KIF26B: variants seen among roughly 807,000 people sequenced by gnomAD.
KIF26B encodes the protein kinesin family member 26B.
A neutral mutation model predicts 151.2 loss-of-function variants in KIF26B; 63 were observed. The ratio of observed to expected loss-of-function variants is 0.42; its 90% CI spans 0.34 to 0.51. The LOEUF (loss-of-function observed/expected upper bound fraction) is 0.51, where lower values mean the gene tolerates loss of function less well. Among genes scored for constraint, KIF26B ranks in the 20% least tolerant of loss-of-function variants. The pLI is 0.07. For synonymous variants in KIF26B, 1,357 were observed against 1,262.1 expected (o/e 1.08, Z -1.59); for missense variants, 2,813 against 2,913.6 (o/e 0.97, Z 0.79).
intron 3 of KIF26B, among the ~76,000 whole-genome samples, chr1:245,369,197 GACAGAC>G (rs1190613557): frequency 6.9e-6 from 1 of 143,948 alleles, no homozygotes; most frequent in African/African-American, 2.8e-5. Flanking sequence ...GAGAGAGAGA[GACAGAC>G]AGACAGACAG....
At chr1:245,576,690 G>A (rs185207879) in intron 5 of KIF26B, among the ~76,000 whole-genome samples, 2 of 152,300 alleles carry the variant, frequency 1.3e-5, no homozygotes, top group African/African-American at 4.8e-5. Context: ...TTGGGAAAGG[G>A]GGTTCTTTAT....
intron 4 of KIF26B, among the ~76,000 whole-genome samples, chr1:245,439,072 G>C (rs752766259): frequency 6.6e-6 from 1 of 152,178 alleles, no homozygotes; most frequent in Admixed American, 6.5e-5. Context: ...TGATGGCCAG[G>C]CATGGTGGCT....
intron 10 of KIF26B, among the ~76,000 whole-genome samples, chr1:245,649,252 G>A (rs1174600854): frequency 6.6e-6 from 1 of 152,172 alleles, no homozygotes; most frequent in African/African-American, 2.4e-5. Flanking sequence ...CTCTTTTGAG[G>A]TACAGGAAGA....
At chr1:245,669,068 C>A (rs10924295) in intron 10 of KIF26B, among the ~76,000 whole-genome samples, 98,954 of 152,108 alleles carry the variant, frequency 0.65, 33,389 homozygotes, top group African/African-American at 0.82. Context: ...CTTCCTTATC[C>A]TAGGTTATGC....
At chr1:245,648,592 G>A (rs12045221) in intron 10 of KIF26B, among the ~76,000 whole-genome samples, 57,293 of 151,056 alleles carry the variant, frequency 0.38, 11,143 homozygotes, top group African/African-American at 0.44. Context: ...TTGAGATTGC[G>A]CTACTGCACC....
intron 9 of KIF26B, among the ~76,000 whole-genome samples, chr1:245,620,857 A>G (rs2043651411): frequency 6.6e-6 from 1 of 152,218 alleles, no homozygotes; most frequent in Admixed American, 6.5e-5. Context: ...AGGAGGAAAC[A>G]CAGCTGACCT....
intron 2 of KIF26B, among the ~76,000 whole-genome samples, chr1:245,260,646 G>T (rs1281735016): frequency 6.6e-6 from 1 of 152,172 alleles, no homozygotes; most frequent in Non-Finnish European, 1.5e-5. Context: ...TCCTTTGACT[G>T]GCAGGAAGAG....
intron 2 of KIF26B, among the ~76,000 whole-genome samples, chr1:245,345,139 G>A (rs1413490435): frequency 6.6e-6 from 1 of 152,150 alleles, no homozygotes; most frequent in African/African-American, 2.4e-5. Flanking sequence ...TGAATGTCAT[G>A]TTTGGGCCAT....
At chr1:245,172,986 T>C (rs1668740555) in intron 2 of KIF26B, among the ~76,000 whole-genome samples, 1 of 152,188 alleles carries the variant, frequency 6.6e-6, no homozygotes, top group Non-Finnish European at 1.5e-5. Flanking sequence ...ATAGCTAAAA[T>C]GTAGAAGCTA....
chr1:245,395,227 A>G (rs529813983), intron 3 of KIF26B, among the ~76,000 whole-genome samples: 14 of 152,300 alleles, frequency 9.2e-5, no homozygotes, highest in Non-Finnish European at 1.0e-4. Context: ...TAAACTCACT[A>G]TTGGAGTGTT....
intron 9 of KIF26B, among the ~76,000 whole-genome samples, chr1:245,622,607 A>T (rs1209266811): frequency 6.6e-6 from 1 of 152,164 alleles, no homozygotes; most frequent in African/African-American, 2.4e-5. Flanking sequence ...ATCTTGCCCC[A>T]AATTACTTGG....
intron 2 of KIF26B, among the ~76,000 whole-genome samples, chr1:245,169,997 TG>T (rs1216912783): frequency 6.6e-6 from 1 of 152,206 alleles, no homozygotes; most frequent in Non-Finnish European, 1.5e-5. Flanking sequence ...TTGTTCACTT[TG>T]TTTTTTGTTT....
rs1481539017 is a variant in KIF26B at position 245,209,399 on chromosome 1, TAAAAAAAATAAAACAAG to T, written c.465+52730_465+52746del. ...CTGGCTGACAGAGTGAGACTACATC[TAAAAAAAATAAAACAAG>T]AAAAAAAATAAAAAAAGAAAACATT... On this transcript the variant is annotated intron_variant, in intron 2 of 14. Transcript: ENST00000407071. Among the ~76,000 whole-genome samples, 22 of 146,960 alleles carry T rather than the reference TAAAAAAAATAAAACAAG, an allele frequency of 1.5e-4. 1 individual carries two copies. Among genetic ancestry groups the T allele is most frequent in the East Asian group, 3.9e-4 (2 of 5,064 alleles).
At chr1:245,242,605 A>C (rs1670227759) in intron 2 of KIF26B, among the ~76,000 whole-genome samples, 1 of 152,156 alleles carries the variant, frequency 6.6e-6, no homozygotes, top group Non-Finnish European at 1.5e-5. Flanking sequence ...CATGTATAGT[A>C]TTAGCAGCTG....
intron 3 of KIF26B, among the ~76,000 whole-genome samples, chr1:245,376,923 GGT>G (rs1170177911): frequency 1.3e-5 from 2 of 151,886 alleles, no homozygotes; most frequent in Non-Finnish European, 2.9e-5. Flanking sequence ...CCTGACCTCA[GGT>G]GATCTGCCTG....
At chr1:245,574,864 CTTTTTTTTT>C (rs201010492) in intron 5 of KIF26B, among the ~76,000 whole-genome samples, 3 of 126,252 alleles carry the variant, frequency 2.4e-5, no homozygotes, top group African/African-American at 6.2e-5. Context: ...TTTTTTTTTT[CTTTTTTTTT>C]TTTTTTTTGA....
intron 10 of KIF26B, among the ~76,000 whole-genome samples, chr1:245,665,943 C>T (rs2044208713): frequency 6.6e-6 from 1 of 151,540 alleles, no homozygotes. Context: ...CGGTCAGCCT[C>T]CCAAAGTCCT....
intron 2 of KIF26B, among the ~76,000 whole-genome samples, chr1:245,329,967 G>A (rs1014971852): frequency 1.3e-5 from 2 of 152,060 alleles, no homozygotes; most frequent in Non-Finnish European, 2.9e-5. Context: ...TACCGTGTCT[G>A]GCTAATTGTG....
In KIF26B at chr1:245,169,362, T is replaced by TGTGTGTGTGTGTGTGTGC. The variant is rs879260509; in HGVS notation, c.465+12680_465+12681insTGTGTGTGTGTGTGTGCG. 7.3e-5 allele frequency among the ~76,000 whole-genome samples: 11 copies of TGTGTGTGTGTGTGTGTGC among 151,092 alleles called. No individual in the cohort carries two copies. In the East Asian group the frequency reaches 1.2e-3, roughly 16 times the overall value. ...GTGTGTGTGTGTGTGTGTGTGTGTG[T>TGTGTGTGTGTGTGTGTGC]GCGCGCAAGCACTTTGTGGAGGCCC... On this transcript the variant is annotated intron_variant, in intron 2 of 14. Coordinates refer to ENST00000407071, the MANE Select transcript of KIF26B (RefSeq NM_018012.4).
Sources: allele counts gnomAD v4.1 joint callset (sites outside exome capture counted in the v4.1 genomes callset), GRCh38; gene constraint gnomAD v4.1.1; transcripts MANE v1.5; gene names NCBI Gene and HGNC (gene_info 2026-07-23, HGNC 2026-07-21).